Variants in MYPN observed in about 807,000 individuals in gnomAD.
MYPN encodes myopalladin.
In MYPN, 63 loss-of-function variants were observed where a neutral mutation model predicts 129.4. The observed-to-expected ratio is 0.49, with a 90% CI of 0.40 to 0.60. The LOEUF (loss-of-function observed/expected upper bound fraction) is 0.60. Ranked by LOEUF, MYPN falls within the 20% of genes least tolerant of loss-of-function variation. MYPN has a pLI of 0.00. For missense variants in MYPN, 1,596 were observed against 1,635.4 expected, an observed-to-expected ratio of 0.98 and a Z score of 0.42; for synonymous variants, 629 against 600.9, an observed-to-expected ratio of 1.05 and a Z score of -0.68.
intron 2 of MYPN, among the ~76,000 whole-genome samples, chr10:68,126,696 T>C (rs1377629909): frequency 2.0e-5 from 3 of 152,106 alleles, no homozygotes; most frequent in Non-Finnish European, 4.4e-5. Context: ...TGGACCTGGA[T>C]ACTTGAAAGA....
chr10:68,208,541 C>T (rs1438891144), intron 19 of MYPN, among the ~76,000 whole-genome samples: 1 of 152,152 alleles, frequency 6.6e-6, no homozygotes, highest in Non-Finnish European at 1.5e-5. Context: ...TCCCAGTCTT[C>T]ACCAAGTCAG....
chr10:68,208,521 C>G (rs1268159845), intron 19 of MYPN, among the ~76,000 whole-genome samples: 3 of 152,140 alleles, frequency 2.0e-5, no homozygotes, highest in African/African-American at 7.2e-5. Context: ...AGGCTCAGTC[C>G]TTAACCATTT....
intron 3 of MYPN, among the ~76,000 whole-genome samples, chr10:68,144,447 A>C (rs962353578): frequency 9.9e-5 from 15 of 152,228 alleles, no homozygotes; most frequent in African/African-American, 2.9e-4. Context: ...GTACATAGTG[A>C]GTATTTGATA....
Position 68,194,533 on chromosome 10 carries a change from G to A in MYPN, c.3075+21G>A, listed in dbSNP as rs7081213. On this transcript the variant is annotated intron_variant, in intron 14 of 19. Transcript: ENST00000358913. ...CCCAGGTGGAGACGCAGGGTTCTGC[G>A]CTGTGCTGCACTCTGAGGAAGGAGC... The A allele has an allele frequency of 0.47, 752,681 of 1,610,452 alleles. 179,421 individuals carry two copies. Among genetic ancestry groups the A allele is most frequent in the Non-Finnish European group, 0.49 (580,799 of 1,177,880 alleles).
chr10:68,122,664 G>T (rs1235964739), intron 2 of MYPN, among the ~76,000 whole-genome samples: 2 of 152,098 alleles, frequency 1.3e-5, no homozygotes, highest in Non-Finnish European at 2.9e-5. Flanking sequence ...CATTTTGGGA[G>T]GTCAAGGCCA....
chr10:68,102,740 ATTAAC>A (rs1010367301), upstream of MYPN, among the ~76,000 whole-genome samples: 3 of 152,130 alleles, frequency 2.0e-5, no homozygotes, highest in African/African-American at 4.8e-5. Context: ...ATTTGATTAT[ATTAAC>A]TTAACTACAA....
At chr10:68,094,138 A>G (rs1456838051) in intron 1 of MYPN, among the ~76,000 whole-genome samples, 1 of 152,126 alleles carries the variant, frequency 6.6e-6, no homozygotes, top group African/African-American at 2.4e-5. Flanking sequence ...CTGTTTTATC[A>G]GCAGTATCTT....
chr10:68,143,753 T>G (rs1322652681), intron 3 of MYPN, among the ~76,000 whole-genome samples: 1 of 151,980 alleles, frequency 6.6e-6, no homozygotes, highest in Non-Finnish European at 1.5e-5. Flanking sequence ...TTTTGTTTTG[T>G]TTTGTTTTGT....
intron 12 of MYPN, among the ~76,000 whole-genome samples, chr10:68,184,054 C>T (rs1007342812): frequency 2.0e-5 from 3 of 152,066 alleles, no homozygotes; most frequent in African/African-American, 7.2e-5. Context: ...CCTCAGAATA[C>T]TTCTCCATTT....
At chr10:68,119,086 A>C (rs550696249) in intron 1 of MYPN, among the ~76,000 whole-genome samples, 11 of 152,302 alleles carry the variant, frequency 7.2e-5, no homozygotes, top group African/African-American at 2.2e-4. Flanking sequence ...CGGTATATTA[A>C]TTACATTTTC....
chr10:68,115,896 A>G (rs2042150408), intron 1 of MYPN, among the ~76,000 whole-genome samples: 1 of 152,144 alleles, frequency 6.6e-6, no homozygotes, highest in Non-Finnish European at 1.5e-5. Flanking sequence ...CTCTGTCAGG[A>G]ACATTTTTTT....
intron 13 of MYPN, among the ~76,000 whole-genome samples, chr10:68,192,790 A>C (rs2043537153): frequency 6.6e-6 from 1 of 152,074 alleles, no homozygotes. Flanking sequence ...CAGGTTTTCC[A>C]ATTTGCTGGC....
At chr10:68,191,874 C>T (rs138202378) in intron 13 of MYPN, among the ~76,000 whole-genome samples, 3 of 152,260 alleles carry the variant, frequency 2.0e-5, no homozygotes, top group East Asian at 3.9e-4. Flanking sequence ...TGCAACTTTA[C>T]TAAATTTGTT....
chr10:68,109,752 T>C (rs1199009332), intron 1 of MYPN, 29 bp downstream of exon 1: 1 of 448,442 alleles, frequency 2.2e-6, no homozygotes, highest in Non-Finnish European at 4.5e-6. Context: ...TTCACAAGTG[T>C]GTTTTGATAA....
At position 68,211,170 on chromosome 10, in the gene MYPN, CTG is replaced by C. The variant is rs2043907893; in HGVS notation, c.*717_*718del. 2.2e-6 allele frequency: 1 copy of C among 453,948 alleles called. No homozygotes were observed. Among genetic ancestry groups the C allele is most frequent in the African/African-American group, 2.0e-5 (1 of 49,994 alleles). 28.1% of individuals were successfully genotyped at this position (453,948 alleles called of 1,614,324 possible). A position where few individuals can be genotyped will look rare whatever the true frequency, so the allele number is the denominator to read the frequency against. Reference sequence around the variant, plus strand: ...TGCACTATTTTCTTTTGGGTGGTGACTGTTTTTTTCTGACTTTGCATATCCCT... The same window carrying C: ...TGCACTATTTTCTTTTGGGTGGTGACTTTTTTTCTGACTTTGCATATCCCT... On this transcript the variant is annotated 3_prime_UTR_variant, in exon 20 of 20. Coordinates refer to ENST00000358913, the MANE Select transcript of MYPN (RefSeq NM_032578.4).
At chr10:68,143,795 C>T (rs1040655371) in intron 3 of MYPN, among the ~76,000 whole-genome samples, 6 of 152,132 alleles carry the variant, frequency 3.9e-5, no homozygotes, top group Non-Finnish European at 4.4e-5. Context: ...CACTCTATTG[C>T]CCAAGCTGGA....
At chr10:68,110,253 T>TTCTC (rs140449918) in intron 1 of MYPN, among the ~76,000 whole-genome samples, 8 of 147,746 alleles carry the variant, frequency 5.4e-5, no homozygotes, top group African/African-American at 1.3e-4. Flanking sequence ...TCTTTCTCCT[T>TTCTC]TCTCTCTCTC....
Position 68,122,060 on chromosome 10 carries a change from A to G in MYPN, c.622A>G (p.Arg208Gly), listed in dbSNP as rs1200741186. The G allele has an allele frequency of 1.9e-6, 3 of 1,614,098 alleles. No individual in the cohort carries two copies. The highest frequency in any genetic ancestry group is 4.5e-5 in the East Asian group (2 of 44,884). ...SFSDLSERRERSSVPIPIPAD... is the reference protein window; with the variant it reads ...SFSDLSERREGSSVPIPIPAD... ...CTCAGATCTGTCAGAAAGACGAGAAAGATCTTCTGTTCCCATCCCTATCCC... is the reference window on the plus strand; with the variant it reads ...CTCAGATCTGTCAGAAAGACGAGAAGGATCTTCTGTTCCCATCCCTATCCC... The change falls in exon 2 of 20, where the codon AGA becomes GGA. Residue 208 changes from arginine to glycine, a missense_variant. Transcript: ENST00000358913.
chr10:68,145,883 C>T (rs985367411), intron 4 of MYPN, among the ~76,000 whole-genome samples: 1 of 152,146 alleles, frequency 6.6e-6, no homozygotes, highest in African/African-American at 2.4e-5. Flanking sequence ...TCTTTTACCC[C>T]CTTCCTATAT....
Sources: gnomAD v4.1 joint callset for allele counts (sites outside exome capture counted in the v4.1 genomes callset) on GRCh38, gnomAD v4.1.1 for gene constraint, MANE v1.5 for transcripts, NCBI Gene and HGNC (gene_info 2026-07-23, HGNC 2026-07-21) for gene names.